The following CA10 variants were observed in gnomAD, a reference collection of about 807,000 sequenced individuals.
CA10 encodes the protein carbonic anhydrase-related protein 10.
CA10 carries 14 observed loss-of-function variants against 44.2 expected under a neutral mutation model. That is an observed-to-expected ratio of 0.32 (90% confidence interval 0.21 to 0.50). The LOEUF (loss-of-function observed/expected upper bound fraction) is 0.50. CA10 is among the 20% of genes least tolerant of loss of function. CA10 has a pLI of 0.99. For missense variants in CA10, 350 were observed against 409.7 expected (o/e 0.85, Z 1.26); for synonymous variants, 159 against 141.6 (o/e 1.12, Z -0.87).
chr17:52,085,683 AT>A (rs1988098733), intron 1 of CA10, among the ~76,000 whole-genome samples: 1 of 152,104 alleles, frequency 6.6e-6, no homozygotes, highest in South Asian at 2.1e-4. Context: ...TAACATATAT[AT>A]TTTTCTTAAA....
chr17:51,723,160 C>T (rs946692475), intron 4 of CA10, among the ~76,000 whole-genome samples: 2 of 152,104 alleles, frequency 1.3e-5, no homozygotes, highest in African/African-American at 4.8e-5. Flanking sequence ...GGGACAGTTG[C>T]CCAATAAGAG....
chr17:51,874,953 TTTTTTTCTTTTTTTTCTTTTC>T (rs1979990869), intron 3 of CA10, among the ~76,000 whole-genome samples: 1 of 66,526 alleles, frequency 1.5e-5, no homozygotes, highest in African/African-American at 3.6e-5. Context: ...TTCTTCTGTT[TTTTTTTCTTTTTTTTCTTTTC>T]TTTTCTTTTC....
chr17:52,129,652 A>G (rs1989189977), intron 1 of CA10, among the ~76,000 whole-genome samples: 1 of 152,234 alleles, frequency 6.6e-6, no homozygotes, highest in South Asian at 2.1e-4. Flanking sequence ...CTAAATAGTA[A>G]TAAATAAGTA....
chr17:51,839,215 G>A (rs1298659292), intron 3 of CA10, among the ~76,000 whole-genome samples: 6 of 152,120 alleles, frequency 3.9e-5, no homozygotes, highest in African/African-American at 9.7e-5. Flanking sequence ...TACCTTGGCC[G>A]GGCACGGTGG....
In CA10 at chr17:52,072,283, T is replaced by G. The variant is rs1987699426; in HGVS notation, c.136+36A>C. 6.4e-6 allele frequency: 9 copies of G among 1,400,944 alleles called. No individual in the cohort carries two copies. The East Asian group carries it at 2.1e-4, about 32-fold the overall frequency. The allele number at this position is 1,400,944 out of a possible 1,614,324, so 86.8% of individuals were successfully genotyped here. A position where few individuals can be genotyped will look rare whatever the true frequency, so the allele number is the denominator to read the frequency against. On this transcript the variant is annotated intron_variant, in intron 2 of 8. Coordinates refer to ENST00000451037, the MANE Select transcript of CA10 (RefSeq NM_020178.5). Reference sequence around the variant, plus strand: ...AATGCTAGCCTTCATTCTAATTGTTTTTAATAAATAAATTAAAGAATTAAT... The same window carrying G: ...AATGCTAGCCTTCATTCTAATTGTTGTTAATAAATAAATTAAAGAATTAAT...
chr17:52,097,287 A>G (rs767599822), intron 1 of CA10, among the ~76,000 whole-genome samples: 10 of 152,212 alleles, frequency 6.6e-5, no homozygotes, highest in Non-Finnish European at 1.3e-4. Context: ...TTGTAATGGT[A>G]TGCTACTGCA....
chr17:51,749,951 G>A (rs1018971022), intron 3 of CA10, among the ~76,000 whole-genome samples: 2 of 152,104 alleles, frequency 1.3e-5, no homozygotes, highest in African/African-American at 4.8e-5. Context: ...TAAACCTCAA[G>A]TTATCTATTC....
chr17:51,978,762 G>A (rs1984549749), intron 2 of CA10, among the ~76,000 whole-genome samples: 1 of 151,964 alleles, frequency 6.6e-6, no homozygotes. Context: ...CTCCATGGTT[G>A]CCTGAATGCC....
At chr17:52,046,857 C>T (rs1986926125) in intron 2 of CA10, among the ~76,000 whole-genome samples, 1 of 151,628 alleles carries the variant, frequency 6.6e-6, no homozygotes, top group South Asian at 2.1e-4. Context: ...GCAGTTCATC[C>T]CAGAAATAAA....
chr17:51,718,598 T>C (rs1916252670), intron 4 of CA10, among the ~76,000 whole-genome samples: 1 of 152,220 alleles, frequency 6.6e-6, no homozygotes, highest in South Asian at 2.1e-4. Flanking sequence ...TTTCTCTGAT[T>C]TCTGTGAGCT....
At chr17:51,800,609 C>T (rs1906890520) in intron 3 of CA10, among the ~76,000 whole-genome samples, 1 of 152,052 alleles carries the variant, frequency 6.6e-6, no homozygotes, top group Non-Finnish European at 1.5e-5. Context: ...ATCTATGATG[C>T]TATAGATTGT....
intron 3 of CA10, among the ~76,000 whole-genome samples, chr17:51,910,330 G>A (rs976598303): frequency 2.0e-5 from 3 of 151,962 alleles, no homozygotes; most frequent in African/African-American, 4.8e-5. Context: ...TGATAACAAC[G>A]AAAGAGCAGG....
At chr17:51,927,808 T>C (rs1300926907) in intron 3 of CA10, among the ~76,000 whole-genome samples, 1 of 152,166 alleles carries the variant, frequency 6.6e-6, no homozygotes, top group Non-Finnish European at 1.5e-5. Context: ...TCTTCATATA[T>C]GGAAACTTTA....
At chr17:51,749,562 C>T (rs1904822994) in intron 3 of CA10, among the ~76,000 whole-genome samples, 1 of 152,222 alleles carries the variant, frequency 6.6e-6, no homozygotes, top group Admixed American at 6.5e-5. Flanking sequence ...GACCCATAGG[C>T]TTGGAGCTAA....
At chr17:51,654,257 C>A (rs1913694839) in intron 4 of CA10, among the ~76,000 whole-genome samples, 1 of 152,242 alleles carries the variant, frequency 6.6e-6, no homozygotes, top group South Asian at 2.1e-4. Context: ...ATGCACCAGC[C>A]TGTCCCGGTC....
chr17:52,072,678 TACACACACACACACACAC>T (rs58984767), intron 1 of CA10, among the ~76,000 whole-genome samples: 1 of 140,100 alleles, frequency 7.1e-6, no homozygotes, highest in African/African-American at 2.7e-5. Context: ...ATCTTCCCCA[TACACACACACACACACAC>T]ACACACACAC....
intron 3 of CA10, among the ~76,000 whole-genome samples, chr17:51,850,682 C>A (rs547423311): frequency 1.3e-5 from 2 of 152,282 alleles, no homozygotes; most frequent in South Asian, 4.2e-4. Context: ...GAAATAGAAG[C>A]CTCATGAAAG....
intron 2 of CA10, among the ~76,000 whole-genome samples, chr17:51,985,378 T>A (rs1409640771): frequency 6.6e-6 from 1 of 151,936 alleles, no homozygotes; most frequent in Non-Finnish European, 1.5e-5. Context: ...ATAAAAGTCA[T>A]CCATGACAAA....
chr17:52,044,106 A>G (rs1412422328), intron 2 of CA10, among the ~76,000 whole-genome samples: 2 of 152,106 alleles, frequency 1.3e-5, no homozygotes, highest in Non-Finnish European at 2.9e-5. Context: ...CTTCAACTTT[A>G]TCAAAGTGTT....
Sources: gnomAD v4.1 joint callset for allele counts (sites outside exome capture counted in the v4.1 genomes callset) on GRCh38, gnomAD v4.1.1 for gene constraint, MANE v1.5 for transcripts, NCBI Gene and HGNC (gene_info 2026-07-23, HGNC 2026-07-21) for gene names.